The following BLTP1 variants were observed in gnomAD, a reference collection of about 807,000 sequenced individuals.
BLTP1 encodes the protein bridge-like lipid transfer protein family member 1.
At chr4:122,355,771 T>A in the BLTP1 span, 1 of 1,561,588 alleles carries the variant, frequency 6.4e-7, no homozygotes, top group Non-Finnish European at 8.7e-7. Context: ...TTAATTTGAC[T>A]CTCTCTTTAT....
chr4:122,275,160 CT>C, the BLTP1 span, among the ~76,000 whole-genome samples: 1 of 151,892 alleles, frequency 6.6e-6, no homozygotes, highest in East Asian at 1.9e-4. Flanking sequence ...GAGATGAGAT[CT>C]TTTTTTGTTC....
chr4:122,193,489 T>C, the BLTP1 span: 1 of 226,504 alleles, frequency 4.4e-6, no homozygotes, highest in East Asian at 1.8e-4. Context: ...GGTTAAGAGG[T>C]ATAGATTTTA....
At chr4:122,325,542 A>G in the BLTP1 span, 4 of 1,225,762 alleles carry the variant, frequency 3.3e-6, no homozygotes, top group Middle Eastern at 3.4e-4. Context: ...TACATGCACA[A>G]TAAAGGCTCC....
chr4:122,241,111 G>C, the BLTP1 span, among the ~76,000 whole-genome samples: 1 of 152,110 alleles, frequency 6.6e-6, no homozygotes, highest in African/African-American at 2.4e-5. Flanking sequence ...ATAACAAGGG[G>C]TGGGGACACC....
chr4:122,341,482 CATA>C, the BLTP1 span, among the ~76,000 whole-genome samples: 5 of 152,080 alleles, frequency 3.3e-5, no homozygotes, highest in Admixed American at 6.6e-5. Flanking sequence ...GACAAACTGT[CATA>C]ATGTCATAAA....
chr4:122,359,894 T>C, the BLTP1 span: 1 of 985,440 alleles, frequency 1.0e-6, no homozygotes, highest in Non-Finnish European at 1.2e-6. Context: ...TATTTGTTTC[T>C]AGGTAAGGCG....
the BLTP1 span, chr4:122,292,530 T>C: frequency 2.4e-6 from 2 of 826,270 alleles, no homozygotes; most frequent in African/African-American, 3.7e-5. Flanking sequence ...GTGAAAGGCT[T>C]ACATTTAGAC....
the BLTP1 span, chr4:122,210,863 CT>C: frequency 6.2e-6 from 10 of 1,604,812 alleles, no homozygotes; most frequent in Non-Finnish European, 6.8e-6. Context: ...AAACATTAGT[CT>C]TTTTTTTCTT....
At chr4:122,303,111 G>C in the BLTP1 span, among the ~76,000 whole-genome samples, 1 of 152,182 alleles carries the variant, frequency 6.6e-6, no homozygotes, top group African/African-American at 2.4e-5. Context: ...GGCTTCAAAG[G>C]ACAGGCTGAC....
the BLTP1 span, among the ~76,000 whole-genome samples, chr4:122,291,359 A>G: frequency 6.6e-6 from 1 of 152,234 alleles, no homozygotes; most frequent in African/African-American, 2.4e-5. Context: ...CAGAATATTG[A>G]GAGGGAATAC....
the BLTP1 span, chr4:122,280,163 A>G: frequency 1.5e-5 from 15 of 985,330 alleles, no homozygotes; most frequent in Non-Finnish European, 1.8e-5. Flanking sequence ...TGAAAGCATT[A>G]AAGTACAGTG....
At chr4:122,350,182 AC>A in the BLTP1 span, 1 of 1,451,048 alleles carries the variant, frequency 6.9e-7, no homozygotes, top group Non-Finnish European at 9.1e-7. Flanking sequence ...AAAATAGCCC[AC>A]AGGCTCTTTA....
chr4:122,315,514 G>A, the BLTP1 span: 3 of 1,613,994 alleles, frequency 1.9e-6, no homozygotes, highest in Non-Finnish European at 2.5e-6. Flanking sequence ...AAATGTGTGG[G>A]ATTGATGTTC....
the BLTP1 span, chr4:122,254,601 G>T: frequency 1.1e-6 from 1 of 904,390 alleles, no homozygotes; most frequent in African/African-American, 1.9e-5. Flanking sequence ...TTTTATCTCT[G>T]ACAGGCTTTT....
At chr4:122,174,539 T>C in the BLTP1 span, 1 of 1,600,622 alleles carries the variant, frequency 6.2e-7, no homozygotes. Context: ...GTTAAAACAG[T>C]TACATTAACT....
chr4:122,196,675 G>A, the BLTP1 span: 11 of 1,609,104 alleles, frequency 6.8e-6, no homozygotes, highest in Non-Finnish European at 9.3e-6. Flanking sequence ...TGACTATCAA[G>A]TTCTGAAAGT....
chr4:122,313,602 C>G, the BLTP1 span: 7 of 1,557,320 alleles, frequency 4.5e-6, no homozygotes, highest in African/African-American at 8.3e-5. Flanking sequence ...TTATTGAAAA[C>G]TATTTTTGGG....
At chr4:122,249,377 T>C in the BLTP1 span, 4 of 1,494,332 alleles carry the variant, frequency 2.7e-6, no homozygotes, top group African/African-American at 5.6e-5. Flanking sequence ...GACAGAGCAC[T>C]AAGATATCTT....
At chr4:122,220,283 T>C in the BLTP1 span, 1 of 1,587,318 alleles carries the variant, frequency 6.3e-7, no homozygotes, top group South Asian at 1.2e-5. Context: ...TATACTTCCT[T>C]ACTTTTTGCC....
Sources: gnomAD v4.1 joint callset for allele counts (sites outside exome capture counted in the v4.1 genomes callset) on GRCh38, gnomAD v4.1.1 for gene constraint, MANE v1.5 for transcripts, NCBI Gene and HGNC (gene_info 2026-07-23, HGNC 2026-07-21) for gene names.